XKR4: variants seen among roughly 807,000 people sequenced by gnomAD.
The protein encoded by XKR4 is XK-related protein 4.
A neutral mutation model predicts 53.9 loss-of-function variants in XKR4; 12 were observed. That is an observed-to-expected ratio of 0.22 (90% CI 0.14 to 0.36). The LOEUF is 0.36. XKR4 is among the 10% of genes least tolerant of loss of function. XKR4 has a pLI of 1.00. For synonymous variants in XKR4, 354 were observed against 362.4 expected (o/e 0.98, Z 0.26); for missense variants, 799 against 859.5 (o/e 0.93, Z 0.88).
chr8:55,505,739 T>A (rs967989007), intron 2 of XKR4, among the ~76,000 whole-genome samples: 3 of 152,226 alleles, frequency 2.0e-5, no homozygotes, highest in Admixed American at 1.3e-4. Flanking sequence ...TAATGTATGG[T>A]CTATCCTGGA....
intron 1 of XKR4, among the ~76,000 whole-genome samples, chr8:55,198,316 TAA>T (rs1817531377): frequency 6.6e-6 from 1 of 152,172 alleles, no homozygotes; most frequent in Admixed American, 6.5e-5. Flanking sequence ...ACGCCAAATC[TAA>T]AACATACCTT....
intron 1 of XKR4, among the ~76,000 whole-genome samples, chr8:55,354,986 C>T (rs1803777748): frequency 6.6e-6 from 1 of 151,238 alleles, no homozygotes; most frequent in South Asian, 2.1e-4. Flanking sequence ...TCACTGCAAC[C>T]TCCGCCTCCT....
chr8:55,141,867 G>T (rs1816708410), intron 1 of XKR4, among the ~76,000 whole-genome samples: 1 of 152,068 alleles, frequency 6.6e-6, no homozygotes, highest in Admixed American at 6.6e-5. Flanking sequence ...AAGGGGCATA[G>T]AGGGGTGGGG....
intron 2 of XKR4, among the ~76,000 whole-genome samples, chr8:55,394,935 G>T (rs1213359946): frequency 6.6e-6 from 1 of 152,100 alleles, no homozygotes; most frequent in East Asian, 1.9e-4. Flanking sequence ...AATCAGCTAG[G>T]CTTTCCAGCA....
chr8:55,181,791 C>T (rs1187758096), intron 1 of XKR4, among the ~76,000 whole-genome samples: 2 of 151,978 alleles, frequency 1.3e-5, no homozygotes, highest in African/African-American at 4.8e-5. Flanking sequence ...CTATGGAGCA[C>T]CGAGAAGATA....
At chr8:55,365,439 T>C (rs1469066436) in intron 2 of XKR4, among the ~76,000 whole-genome samples, 1 of 152,196 alleles carries the variant, frequency 6.6e-6, no homozygotes, top group African/African-American at 2.4e-5. Context: ...ACGCGGTGAC[T>C]CACGCCTGTA....
chr8:55,452,271 G>A (rs1805461123), intron 2 of XKR4: 1 of 648,856 alleles, frequency 1.5e-6, no homozygotes, highest in South Asian at 1.6e-5. Flanking sequence ...CTGATCCAAA[G>A]GGGTCTGGAT....
At chr8:55,123,987 G>A (rs951149942) in intron 1 of XKR4, among the ~76,000 whole-genome samples, 3 of 152,206 alleles carry the variant, frequency 2.0e-5, no homozygotes, top group African/African-American at 7.2e-5. Flanking sequence ...CTGTTTTTAG[G>A]TATAGCAATC....
At chr8:55,335,690 T>A (rs1214983607) in intron 1 of XKR4, among the ~76,000 whole-genome samples, 1 of 152,006 alleles carries the variant, frequency 6.6e-6, no homozygotes, top group Admixed American at 6.6e-5. Context: ...CTACAAAGGG[T>A]GAGTGGATAA....
chr8:55,535,533 A>G lies in XKR4; in HGVS notation c.*11306A>G, dbSNP rs1807020434. On this transcript the variant is annotated 3_prime_UTR_variant, in exon 3 of 3. Coordinates refer to ENST00000327381, the MANE Select transcript of XKR4 (RefSeq NM_052898.2). ...TAGGTACAAAGATACTCTGTAATGTACAATGAGGTGGCCAATCGTGGGAAT... is the reference window on the plus strand; with the variant it reads ...TAGGTACAAAGATACTCTGTAATGTGCAATGAGGTGGCCAATCGTGGGAAT... 6.6e-6 allele frequency: 1 copy of G among 152,144 alleles called. No individual in the cohort carries two copies. Among genetic ancestry groups the G allele is most frequent in the Non-Finnish European group, 1.5e-5 (1 of 68,020 alleles). 9.4% of individuals were successfully genotyped at this position (152,144 alleles called of 1,614,324 possible). A position where few individuals can be genotyped will look rare whatever the true frequency, so the allele number is the denominator to read the frequency against.
chr8:55,253,696 G>C, intron 1 of XKR4, among the ~76,000 whole-genome samples: 1 of 151,282 alleles, frequency 6.6e-6, no homozygotes, highest in East Asian at 1.9e-4. Flanking sequence ...GGGGTTCAGA[G>C]CTGGTCTCTC....
At chr8:55,383,458 G>T (rs981177982) in intron 2 of XKR4, among the ~76,000 whole-genome samples, 7 of 152,218 alleles carry the variant, frequency 4.6e-5, no homozygotes, top group Non-Finnish European at 8.8e-5. Flanking sequence ...ACTCAGCTGA[G>T]TATACGGGGA....
chr8:55,501,341 G>A (rs758658827), intron 2 of XKR4, among the ~76,000 whole-genome samples: 6 of 151,986 alleles, frequency 3.9e-5, no homozygotes, highest in East Asian at 1.9e-4. Flanking sequence ...TTAAGTGTAC[G>A]GTTCAATGGC....
intron 1 of XKR4, among the ~76,000 whole-genome samples, chr8:55,298,190 A>G (rs1156415556): frequency 6.6e-6 from 1 of 152,190 alleles, no homozygotes; most frequent in Non-Finnish European, 1.5e-5. Flanking sequence ...AAAACTGGAA[A>G]TCAAAGAATC....
intron 2 of XKR4, among the ~76,000 whole-genome samples, chr8:55,495,945 T>C (rs1234263435): frequency 2.6e-5 from 4 of 152,204 alleles, no homozygotes; most frequent in Non-Finnish European, 5.9e-5. Context: ...AAGCACCATA[T>C]GAGAAATATT....
intron 1 of XKR4, among the ~76,000 whole-genome samples, chr8:55,283,843 T>C (rs1204442508): frequency 6.6e-6 from 1 of 152,178 alleles, no homozygotes; most frequent in African/African-American, 2.4e-5. Context: ...GCCAGCTCAT[T>C]TCACAATGAT....
At chr8:55,246,661 A>G (rs913360663) in intron 1 of XKR4, among the ~76,000 whole-genome samples, 1 of 151,850 alleles carries the variant, frequency 6.6e-6, no homozygotes, top group Non-Finnish European at 1.5e-5. Flanking sequence ...ATTGAGAGTC[A>G]TGGGTATTCT....
intron 1 of XKR4, among the ~76,000 whole-genome samples, chr8:55,161,051 C>A (rs1053232086): frequency 2.0e-5 from 3 of 152,226 alleles, no homozygotes; most frequent in Admixed American, 6.5e-5. Context: ...CCAAATCAGA[C>A]CTGTGTTCTG....
At chr8:55,307,534 G>T (rs147300918) in intron 1 of XKR4, among the ~76,000 whole-genome samples, 1 of 152,110 alleles carries the variant, frequency 6.6e-6, no homozygotes, top group African/African-American at 2.4e-5. Context: ...CACATGTCTG[G>T]TCCCAGCTAC....
Sources: allele counts gnomAD v4.1 joint callset (sites outside exome capture counted in the v4.1 genomes callset), GRCh38; gene constraint gnomAD v4.1.1; transcripts MANE v1.5; gene names NCBI Gene and HGNC (gene_info 2026-07-23, HGNC 2026-07-21).